Variants in LARGE1 observed in about 807,000 individuals in gnomAD.
The protein encoded by LARGE1 is LARGE xylosyl- and glucuronyltransferase 1.
Under a neutral mutation model 87.6 loss-of-function variants are expected in LARGE1, and 43 were observed. The observed-to-expected ratio is 0.49, with a 90% CI of 0.38 to 0.63. LARGE1 has a LOEUF of 0.63. Ranked by LOEUF, LARGE1 falls within the 30% of genes least tolerant of loss-of-function variation. The pLI, the probability that LARGE1 is intolerant of heterozygous loss-of-function variation, is 0.00. For missense variants in LARGE1, 802 were observed against 1,000.2 expected (o/e 0.80, Z 2.67); for synonymous variants, 434 against 394.6 (o/e 1.10, Z -1.18).
chr22:33,210,691 A>G (rs1358455826), intron 11 of LARGE1, among the ~76,000 whole-genome samples: 1 of 152,264 alleles, frequency 6.6e-6, no homozygotes, highest in Non-Finnish European at 1.5e-5. Context: ...GTTGCCATAG[A>G]GAAGCACTGG....
chr22:33,353,385 GTTTTTCTT>G (rs1037889638), intron 9 of LARGE1, among the ~76,000 whole-genome samples: 13 of 150,658 alleles, frequency 8.6e-5, no homozygotes, highest in East Asian at 1.9e-4. Context: ...GAGAATACTT[GTTTTTCTT>G]TTTTTCTTTT....
exon 12 of LARGE1, chr22:33,162,643 A>C (rs1195623586): frequency 6.6e-6 from 1 of 152,208 alleles, no homozygotes; most frequent in African/African-American, 2.4e-5. Context: ...TATCTACAGA[A>C]GAAAGAATGG....
intron 1 of LARGE1, among the ~76,000 whole-genome samples, chr22:33,874,126 T>G (rs2064391166): frequency 6.6e-6 from 1 of 152,070 alleles, no homozygotes; most frequent in Non-Finnish European, 1.5e-5. Context: ...GCATCCTACC[T>G]CTGTCCAACG....
At chr22:33,494,185 T>C (rs1213124738) in intron 6 of LARGE1, among the ~76,000 whole-genome samples, 1 of 152,238 alleles carries the variant, frequency 6.6e-6, no homozygotes, top group East Asian at 1.9e-4. Flanking sequence ...TGGTCTTTGA[T>C]GAGCTCTGAA....
intron 2 of LARGE1, among the ~76,000 whole-genome samples, chr22:33,702,537 A>G (rs575012915): frequency 6.6e-6 from 1 of 152,360 alleles, no homozygotes; most frequent in South Asian, 2.1e-4. Context: ...AGACAGTCGA[A>G]GGGACAGGAA....
chr22:33,212,893 C>T (rs1240028882), intron 11 of LARGE1, among the ~76,000 whole-genome samples: 1 of 151,918 alleles, frequency 6.6e-6, no homozygotes, highest in Non-Finnish European at 1.5e-5. Context: ...TGGTGGGCAC[C>T]TGTAATCTCA....
intron 1 of LARGE1, among the ~76,000 whole-genome samples, chr22:33,868,545 G>A (rs1046063489): frequency 6.6e-6 from 1 of 152,046 alleles, no homozygotes; most frequent in Non-Finnish European, 1.5e-5. Context: ...CACCATCCCA[G>A]CCAGCATCTG....
chr22:33,802,645 T>C (rs1026723543), intron 1 of LARGE1, among the ~76,000 whole-genome samples: 2 of 152,154 alleles, frequency 1.3e-5, no homozygotes, highest in African/African-American at 4.8e-5. Flanking sequence ...AAGTAACTCT[T>C]ATTTGTCACC....
chr22:33,539,432 T>G (rs992675826), intron 6 of LARGE1, among the ~76,000 whole-genome samples: 1 of 152,176 alleles, frequency 6.6e-6, no homozygotes, highest in Admixed American at 6.5e-5. Flanking sequence ...ATAGGCCCAA[T>G]GGGGTAAATA....
chr22:33,555,514 A>T (rs2077649331), intron 6 of LARGE1, among the ~76,000 whole-genome samples: 1 of 152,160 alleles, frequency 6.6e-6, no homozygotes, highest in Non-Finnish European at 1.5e-5. Context: ...GGTTTGGGCA[A>T]AGACTCGAAG....
chr22:33,416,223 G>C (rs1436420148), intron 7 of LARGE1, among the ~76,000 whole-genome samples: 1 of 152,136 alleles, frequency 6.6e-6, no homozygotes, highest in Non-Finnish European at 1.5e-5. Context: ...CCTACATTGG[G>C]CACATACCCT....
intron 10 of LARGE1, among the ~76,000 whole-genome samples, chr22:33,321,825 G>T (rs981590063): frequency 3.9e-5 from 6 of 152,130 alleles, no homozygotes; most frequent in African/African-American, 9.7e-5. Context: ...CTGACTGACT[G>T]GTTGATTGAC....
chr22:33,723,170 G>A (rs1283309662), intron 2 of LARGE1, among the ~76,000 whole-genome samples: 1 of 152,178 alleles, frequency 6.6e-6, no homozygotes, highest in African/African-American at 2.4e-5. Context: ...TTCGAACAAG[G>A]AAGCCATTAG....
intron 6 of LARGE1, among the ~76,000 whole-genome samples, chr22:33,556,564 GAGGCAGGCAGGCAGGCAGGC>G (rs1170450606): frequency 3.3e-5 from 2 of 59,896 alleles, no homozygotes; most frequent in South Asian, 5.8e-4. Flanking sequence ...GGGAGGGAGG[GAGGCAGGCAGGCAGGCAGGC>G]AGGAAGGCAG....
intron 1 of LARGE1, among the ~76,000 whole-genome samples, chr22:33,779,993 G>A (rs558349069): frequency 7.3e-6 from 1 of 136,914 alleles, no homozygotes; most frequent in Non-Finnish European, 1.7e-5. Context: ...CTGTGGGCTA[G>A]AAGTTCAAGA....
downstream of LARGE1, among the ~76,000 whole-genome samples, chr22:33,157,312 C>A (rs185273174): frequency 6.6e-6 from 1 of 152,178 alleles, no homozygotes; most frequent in Non-Finnish European, 1.5e-5. Flanking sequence ...AGCCACTCTA[C>A]CTATTAACCC....
chr22:33,489,762 A>C (rs2069746659), intron 6 of LARGE1, among the ~76,000 whole-genome samples: 1 of 152,202 alleles, frequency 6.6e-6, no homozygotes, highest in African/African-American at 2.4e-5. Flanking sequence ...ATGAAAGCGA[A>C]CTAATAGAAA....
intron 2 of LARGE1, among the ~76,000 whole-genome samples, chr22:33,672,908 A>G (rs1228361402): frequency 6.6e-6 from 1 of 152,146 alleles, no homozygotes; most frequent in Non-Finnish European, 1.5e-5. Context: ...CATCAGGAGG[A>G]CAATCGATTG....
chr22:33,595,488 G>C (rs1296409084), intron 5 of LARGE1, among the ~76,000 whole-genome samples: 1 of 152,138 alleles, frequency 6.6e-6, no homozygotes, highest in Non-Finnish European at 1.5e-5. Flanking sequence ...AGACACAATG[G>C]GGAGCACATT....
Sources: allele counts gnomAD v4.1 joint callset (sites outside exome capture counted in the v4.1 genomes callset), GRCh38; gene constraint gnomAD v4.1.1; transcripts MANE v1.5; gene names NCBI Gene and HGNC (gene_info 2026-07-23, HGNC 2026-07-21).